RABGAP1: variants seen among roughly 807,000 people sequenced by gnomAD.
The protein encoded by RABGAP1 is RAB GTPase activating protein 1.
In RABGAP1, 23 loss-of-function variants were observed where a neutral mutation model predicts 137.6. The ratio of observed to expected loss-of-function variants is 0.17; its 90% CI spans 0.12 to 0.24. The LOEUF is 0.24. RABGAP1 is among the 10% of genes least tolerant of loss of function. The pLI is 1.00. For synonymous variants in RABGAP1, 451 were observed against 450.7 expected (o/e 1.00, Z -0.01); for missense variants, 906 against 1,275.8 (o/e 0.71, Z 4.42).
intron 2 of RABGAP1, among the ~76,000 whole-genome samples, chr9:122,967,535 T>C (rs1835227438): frequency 6.6e-6 from 1 of 152,188 alleles, no homozygotes; most frequent in African/African-American, 2.4e-5. Context: ...TTCTAGAAAT[T>C]AAGACAGCAG....
chr9:122,953,694 C>T (rs934293800), intron 1 of RABGAP1, among the ~76,000 whole-genome samples: 4 of 152,216 alleles, frequency 2.6e-5, no homozygotes, highest in Non-Finnish European at 4.4e-5. Flanking sequence ...CCACTGCGCC[C>T]GCCCGGAACC....
At chr9:123,094,310 G>C (rs1400369209) in intron 21 of RABGAP1, among the ~76,000 whole-genome samples, 1 of 152,130 alleles carries the variant, frequency 6.6e-6, no homozygotes, top group Non-Finnish European at 1.5e-5. Flanking sequence ...CCTGGTTCTG[G>C]ACATTAGCTG....
At chr9:122,940,200 A>G (rs968115086), upstream of RABGAP1, 1 of 152,172 alleles carries the variant, frequency 6.6e-6, no homozygotes, top group South Asian at 2.1e-4. Context: ...CACTTTAATA[A>G]TCATTGTTTT....
At chr9:122,934,129 G>GT in the RABGAP1 span, among the ~76,000 whole-genome samples, 15,628 of 148,350 alleles carry the variant, frequency 0.11, 2,698 homozygotes, top group African/African-American at 0.37. Flanking sequence ...CCAGGCTGGA[G>GT]TGCAGTGGCG....
chr9:122,994,541 A>G (rs1015486911), intron 6 of RABGAP1, among the ~76,000 whole-genome samples: 7 of 152,228 alleles, frequency 4.6e-5, no homozygotes, highest in Non-Finnish European at 1.0e-4. Flanking sequence ...GAAGTATTCA[A>G]AAATGTTCTT....
intron 5 of RABGAP1, 182 bp from the exon 6 acceptor site, chr9:122,989,873 AC>A (rs1259797106): frequency 1.1e-5 from 7 of 612,052 alleles, no homozygotes; most frequent in African/African-American, 9.4e-5. Context: ...CTTTTTTAAA[AC>A]CCCTTGTCTG....
intron 1 of RABGAP1, among the ~76,000 whole-genome samples, chr9:122,950,688 T>G (rs1172654363): frequency 6.6e-6 from 1 of 152,168 alleles, no homozygotes; most frequent in African/African-American, 2.4e-5. Flanking sequence ...CTATACCTGG[T>G]GTCTGGCACA....
intron 24 of RABGAP1, among the ~76,000 whole-genome samples, chr9:123,100,714 T>C (rs1285979873): frequency 6.6e-6 from 1 of 152,182 alleles, no homozygotes; most frequent in Non-Finnish European, 1.5e-5. Flanking sequence ...CCACTGCGCC[T>C]GGCCAACCAG....
At chr9:123,033,225 G>A (rs2032402444) in intron 13 of RABGAP1, among the ~76,000 whole-genome samples, 1 of 152,022 alleles carries the variant, frequency 6.6e-6, no homozygotes, top group South Asian at 2.1e-4. Context: ...ACACTTAAAG[G>A]AAGTTAACAT....
chr9:122,967,011 G>A (rs193071576), intron 2 of RABGAP1, among the ~76,000 whole-genome samples: 12 of 152,284 alleles, frequency 7.9e-5, no homozygotes, highest in African/African-American at 2.6e-4. Flanking sequence ...CAACACATGG[G>A]AATTGGGGGA....
chr9:123,096,936 ATAGAG>A (rs1206411296), intron 21 of RABGAP1, among the ~76,000 whole-genome samples: 1 of 152,220 alleles, frequency 6.6e-6, no homozygotes, highest in Non-Finnish European at 1.5e-5. Flanking sequence ...AGGAAAGGAA[ATAGAG>A]TATAGTGGAA....
At chr9:122,945,168 T>G (rs529418237) in intron 1 of RABGAP1, among the ~76,000 whole-genome samples, 2 of 148,326 alleles carry the variant, frequency 1.3e-5, no homozygotes, top group African/African-American at 4.9e-5. Context: ...TTTTTTAGCA[T>G]AAACTGGTTA....
intron 2 of RABGAP1, among the ~76,000 whole-genome samples, chr9:122,972,183 C>G (rs1226921077): frequency 6.6e-6 from 1 of 152,106 alleles, no homozygotes; most frequent in Admixed American, 6.5e-5. Flanking sequence ...AATCCCAGCA[C>G]TTTGGGAGGC....
At position 122,992,092 on chromosome 9, in the gene RABGAP1, A is replaced by C. The variant is rs948335547; in HGVS notation, c.923+1879A>C. 3.9e-5 allele frequency among the ~76,000 whole-genome samples: 6 copies of C among 151,952 alleles called. No homozygotes were observed. In the East Asian group the frequency reaches 1.2e-3, roughly 30 times the overall value. On this transcript the variant is annotated intron_variant, in intron 6 of 25. Coordinates refer to ENST00000373647, the MANE Select transcript of RABGAP1 (RefSeq NM_012197.4). Reference sequence around the variant, plus strand: ...TGCTCTGTCACCAAGGCTGGAATGTAGTGGCACGATCACGGTTCACCGCAA... The same window carrying C: ...TGCTCTGTCACCAAGGCTGGAATGTCGTGGCACGATCACGGTTCACCGCAA...
chr9:123,001,978 T>G (rs116991300), intron 10 of RABGAP1, among the ~76,000 whole-genome samples: 1 of 152,250 alleles, frequency 6.6e-6, no homozygotes, highest in East Asian at 1.9e-4. Context: ...TTAAACTAGT[T>G]TACAAACATC....
chr9:122,961,612 T>G (rs1834855180), intron 2 of RABGAP1, among the ~76,000 whole-genome samples: 1 of 152,188 alleles, frequency 6.6e-6, no homozygotes, highest in African/African-American at 2.4e-5. Context: ...TAAAAATAAT[T>G]ATGTAGTAAT....
At chr9:122,996,774 A>G (rs1177152861) in intron 8 of RABGAP1, among the ~76,000 whole-genome samples, 169 bp downstream of exon 8, 6 of 152,190 alleles carry the variant, frequency 3.9e-5, no homozygotes. Context: ...CTAGCTATTT[A>G]CAAGTCTGAC....
chr9:123,076,893 A>G, intron 19 of RABGAP1, 131 bp downstream of exon 19: 2 of 504,102 alleles, frequency 4.0e-6, no homozygotes, highest in Non-Finnish European at 5.4e-6. Flanking sequence ...GTTAACATTT[A>G]TAATATATAA....
chr9:123,021,387 G>A (rs1365851181), intron 13 of RABGAP1, among the ~76,000 whole-genome samples: 1 of 135,976 alleles, frequency 7.4e-6, no homozygotes, highest in African/African-American at 2.9e-5. Context: ...GCAGTGGCAT[G>A]ATCTAGGCTC....
Sources: allele counts gnomAD v4.1 joint callset (sites outside exome capture counted in the v4.1 genomes callset), GRCh38; gene constraint gnomAD v4.1.1; transcripts MANE v1.5; gene names NCBI Gene and HGNC (gene_info 2026-07-23, HGNC 2026-07-21).